The following VWA5B2 variants were observed in gnomAD, a reference collection of about 807,000 sequenced individuals.
The protein encoded by VWA5B2 is von Willebrand factor A domain containing 5B2.
A neutral mutation model predicts 118.5 loss-of-function variants in VWA5B2; 93 were observed. That is an observed-to-expected ratio of 0.79 (90% CI 0.66 to 0.93). The LOEUF is 0.93. VWA5B2 is among the 40% of genes least tolerant of loss of function. The pLI is 0.00. For missense variants in VWA5B2, 1,546 were observed against 1,672.8 expected (o/e 0.92, Z 1.32); for synonymous variants, 708 against 716.3 (o/e 0.99, Z 0.19).
At chr3:184,240,963 C>T (rs558959383) in intron 17 of VWA5B2, 35 bp downstream of exon 17, 7 of 1,551,508 alleles carry the variant, frequency 4.5e-6, no homozygotes, top group East Asian at 4.9e-5. Context: ...TCAGGTGCAG[C>T]TCTCACCTCA....
At position 184,236,178 on chromosome 3, in the gene VWA5B2, C is replaced by T. The variant is rs1189103181; in HGVS notation, c.1128C>T (p.Ser376=). Residue 376 remains serine, a synonymous_variant, in exon 9 of 20, where the codon TCC becomes TCT. Coordinates refer to ENST00000691901, the MANE Select transcript of VWA5B2 (RefSeq NM_001390846.1). The part of the protein sequence containing the change: ...HKDAIVLAVK[S]LPPQTLINLA... The stretch of plus-strand genomic sequence containing the variant: ...ATGCCATTGTTTTGGCTGTGAAGTC[C>T]CTCCCGCCCCAGACGCTTATCAACC... 2.6e-6 allele frequency: 4 copies of T among 1,551,550 alleles called. No individual in the cohort carries two copies. Among genetic ancestry groups the T allele is most frequent in the Non-Finnish European group, 3.5e-6 (4 of 1,146,996 alleles).
rs894634721 is a variant in VWA5B2, at chr3:184,241,754, G to C, written c.3445G>C (p.Glu1149Gln). Reference sequence around the variant, plus strand: ...GGACAGTGGGCGGGGCTCAGACACCGAGGCCTCCGAGGGGGCGGAAGGGCT... The same window carrying C: ...GGACAGTGGGCGGGGCTCAGACACCCAGGCCTCCGAGGGGGCGGAAGGGCT... ...QVDSGRGSDT[E>Q]ASEGAEGLGG... Residue 1149 changes from glutamate (E) to glutamine (Q), a missense_variant, in exon 20 of 20, where the codon GAG becomes CAG. Coordinates refer to ENST00000691901, the MANE Select transcript of VWA5B2 (RefSeq NM_001390846.1). The surrounding 1 kb of genome is among the most constrained non-coding windows in gnomAD (Gnocchi z 5.1). 2.2e-5 allele frequency: 32 copies of C among 1,481,424 alleles called. No homozygotes were observed. The Admixed American group carries it at 6.0e-4, about 28-fold the overall frequency. 91.8% of individuals were successfully genotyped at this position (1,481,424 alleles called of 1,614,324 possible).
chr3:184,232,954 T>C, intron 3 of VWA5B2: 1 of 568,646 alleles, frequency 1.8e-6, no homozygotes, highest in East Asian at 3.2e-5. Flanking sequence ...AGGATGTCAC[T>C]GCTGCTCTTG....
At chr3:184,234,525 T>C (rs1213597590) in intron 6 of VWA5B2, 106 bp from the exon 7 acceptor site, 44 of 1,522,718 alleles carry the variant, frequency 2.9e-5, no homozygotes, top group Non-Finnish European at 8.8e-7. Context: ...GCAGAGCCTG[T>C]GGTGCAGGAA....
At chr3:184,230,232 G>C (rs1342892954) in intron 1 of VWA5B2, among the ~76,000 whole-genome samples, 148 bp from the exon 2 acceptor site, 1 of 152,004 alleles carries the variant, frequency 6.6e-6, no homozygotes, top group Middle Eastern at 3.4e-3. Context: ...CCCCACCCCC[G>C]GGGGAGCCGC....
Position 184,241,399 on chromosome 3 carries a change from C to G in VWA5B2, c.3175C>G (p.Pro1059Ala), listed in dbSNP as rs963385192. 6.3e-7 allele frequency: 1 copy of G among 1,580,480 alleles called. No individual in the cohort carries two copies. The highest frequency in any genetic ancestry group is 1.3e-5 in the African/African-American group (1 of 74,218). ...NSEGSDHDYL[P>A]LVRLQEAPGS... ...TGAAGGCAGCGACCATGACTACCTG[C>G]CCTTGGTGAGGACTCGGGAGGTGGA... The change falls in exon 19 of 20, where the codon CCC becomes GCC. Residue 1059 changes from proline (P) to alanine (A), a missense_variant. Pro to Ala is a conservative substitution (Grantham distance 27, BLOSUM62 -1). Transcript: ENST00000691901. This position sits in a 1 kb window ranked among gnomAD's most constrained non-coding sequence, Gnocchi z 5.1.
At position 184,241,153 on chromosome 3, in the gene VWA5B2, G is replaced by A; in HGVS notation, c.2963-34G>A. 2 of 1,551,442 alleles carry A rather than the reference G, an allele frequency of 1.3e-6. No individual in the cohort carries two copies. The highest frequency in any genetic ancestry group is 2.0e-5 in the Admixed American group (1 of 50,988). On this transcript the variant is annotated intron_variant, in intron 18 of 19. Transcript: ENST00000691901. The surrounding 1 kb of genome is among the most constrained non-coding windows in gnomAD (Gnocchi z 5.1). ...AAGGGTAGGGGCACTTGGGCTTAGA[G>A]ACCGCCCCCTGGCACTGATGATCCC...
intron 8 of VWA5B2, among the ~76,000 whole-genome samples, chr3:184,235,851 C>T (rs1429000627): frequency 1.3e-5 from 2 of 151,920 alleles, no homozygotes; most frequent in Non-Finnish European, 2.9e-5. Context: ...CAGAGTCCCA[C>T]ACACAGTCAT....
chr3:184,234,261 C>T lies in VWA5B2; in HGVS notation c.689-5C>T, dbSNP rs151245237. 1,118 of 1,551,544 alleles carry T rather than the reference C, an allele frequency of 7.2e-4. 6 individuals are homozygous for T. The African/African-American group carries it at 0.014, about 19-fold the overall frequency. ...ATCTCCCCTTCCTGCCTCTATGTCC[C>T]TCAGGCCTGGAGAGCCCCTCTCATG... On this transcript the variant is annotated splice_polypyrimidine_tract_variant and splice_region_variant and intron_variant, in intron 5 of 19. Transcript: ENST00000691901.
rs1275110307 is a variant in VWA5B2 at position 184,241,706 on chromosome 3, G to A, written c.3397G>A (p.Gly1133Ser). The A allele has an allele frequency of 6.6e-7, 1 of 1,508,814 alleles. No individual in the cohort carries two copies. Among genetic ancestry groups the A allele is most frequent in the South Asian group, 1.2e-5 (1 of 80,334 alleles). 93.5% of individuals were successfully genotyped at this position (1,508,814 alleles called of 1,614,324 possible). A position where few individuals can be genotyped will look rare whatever the true frequency, so the allele number is the denominator to read the frequency against. ...TASCSPSPSS[G>S]SEGPGQVDSG... ...CTCCTGCAGCCCGTCCCCCAGCTCG[G>A]GCTCTGAGGGGCCAGGCCAGGTGGA... Residue 1133 changes from glycine to serine, a missense_variant, in exon 20 of 20, where the codon GGC becomes AGC. Coordinates refer to ENST00000691901, the MANE Select transcript of VWA5B2 (RefSeq NM_001390846.1). This position sits in a 1 kb window ranked among gnomAD's most constrained non-coding sequence, Gnocchi z 5.1.
In VWA5B2 at chr3:184,241,724, C is replaced by T. The variant is rs1451159516; in HGVS notation, c.3415C>T (p.Gln1139Ter). The T allele has an allele frequency of 1.3e-6, 2 of 1,497,530 alleles. No individual in the cohort carries two copies. Among genetic ancestry groups the T allele is most frequent in the East Asian group, 5.0e-5 (2 of 40,396 alleles). The allele number at this position is 1,497,530 out of a possible 1,614,324, so 92.8% of individuals were successfully genotyped here. Residue 1139 changes from glutamine (Q) to a stop codon, truncating the protein, a stop_gained, in exon 20 of 20, where the codon CAG becomes TAG. Transcript: ENST00000691901. LOFTEE classifies it high-confidence loss of function. The surrounding 1 kb of genome is among the most constrained non-coding windows in gnomAD (Gnocchi z 5.1). Reference sequence around the variant, plus strand: ...CAGCTCGGGCTCTGAGGGGCCAGGCCAGGTGGACAGTGGGCGGGGCTCAGA... The same window carrying T: ...CAGCTCGGGCTCTGAGGGGCCAGGCTAGGTGGACAGTGGGCGGGGCTCAGA... ...SPSSGSEGPGQVDSGRGSDTE... is the reference protein window; with the variant it reads ...SPSSGSEGPG
intron 6 of VWA5B2, 76 bp downstream of exon 6, chr3:184,234,473 G>A (rs1301302813): frequency 6.5e-7 from 1 of 1,541,300 alleles, no homozygotes; most frequent in Non-Finnish European, 8.8e-7. Flanking sequence ...CTTAAGTGCA[G>A]GTTTCTGGGC....
chr3:184,240,862 T>G lies in VWA5B2; in HGVS notation c.2812T>G (p.Cys938Gly). The G allele has an allele frequency of 6.4e-7, 1 of 1,551,682 alleles. No individual in the cohort carries two copies. Among genetic ancestry groups the G allele is most frequent in the Non-Finnish European group, 8.7e-7 (1 of 1,146,964 alleles). ...CAGCTCTGCCCCCTCCTGCTTCACTTGCCCTGTAGCTGTGGATGCTACTAC... is the reference window on the plus strand; with the variant it reads ...CAGCTCTGCCCCCTCCTGCTTCACTGGCCCTGTAGCTGTGGATGCTACTAC... The part of the protein sequence containing the change: ...KVSSAPSCFT[C>G]PVAVDATTRE... The change falls in exon 17 of 20, where the codon TGC (cysteine) becomes GGC (glycine). Residue 938 changes from cysteine (C) to glycine (G), a missense_variant. By Grantham distance (159) the Cys-to-Gly change is radical (BLOSUM62 -3). Transcript: ENST00000691901.
Position 184,233,858 on chromosome 3 carries a change from C to T in VWA5B2, c.688+125C>T, listed in dbSNP as rs1327441867. ...ACAAAAAGACAGGGACCCCAGCCTC[C>T]GGAACATCTGGGTTAGTGGTGGGAG... is the stretch of plus-strand genomic sequence containing the variant. On this transcript the variant is annotated intron_variant, in intron 5 of 19. Transcript: ENST00000691901. This position sits in a 1 kb window ranked among gnomAD's most constrained non-coding sequence, Gnocchi z 5.2. 2.3e-5 allele frequency: 31 copies of T among 1,336,340 alleles called. No individual in the cohort carries two copies. The highest frequency in any genetic ancestry group is 5.0e-5 in the Admixed American group (2 of 40,274). 82.8% of individuals were successfully genotyped at this position (1,336,340 alleles called of 1,614,324 possible). A position where few individuals can be genotyped will look rare whatever the true frequency, so the allele number is the denominator to read the frequency against.
Position 184,230,784 on chromosome 3 carries a change from G to A in VWA5B2, c.177G>A (p.Val59=), listed in dbSNP as rs1717308403. ...FVYPLAEAEV[V]SGFEAEAAGR... is the part of the protein sequence containing the mutation. ...ACCCGCTGGCCGAGGCCGAGGTGGTGTCCGGCTTCGAGGCCGAGGCCGCCG... is the reference window on the plus strand; with the variant it reads ...ACCCGCTGGCCGAGGCCGAGGTGGTATCCGGCTTCGAGGCCGAGGCCGCCG... The change falls in exon 3 of 20, where the codon GTG becomes GTA. Residue 59 remains valine (V), a synonymous_variant. Coordinates refer to ENST00000691901, the MANE Select transcript of VWA5B2 (RefSeq NM_001390846.1). 8.1e-7 allele frequency: 1 copy of A among 1,241,808 alleles called. No homozygotes were observed. Among genetic ancestry groups the A allele is most frequent in the Admixed American group, 4.2e-5 (1 of 23,778 alleles). The allele number at this position is 1,241,808 out of a possible 1,614,324, so 76.9% of individuals were successfully genotyped here. A position where few individuals can be genotyped will look rare whatever the true frequency, so the allele number is the denominator to read the frequency against.
chr3:184,234,061 G>T (rs1717693508), intron 5 of VWA5B2, among the ~76,000 whole-genome samples: 1 of 152,166 alleles, frequency 6.6e-6, no homozygotes, highest in Non-Finnish European at 1.5e-5. Flanking sequence ...GCACCTGGCT[G>T]ATGCATGACT....
In VWA5B2 at chr3:184,233,079, C is replaced by T; in HGVS notation, c.311-99C>T. On this transcript the variant is annotated intron_variant, in intron 3 of 19. Coordinates refer to ENST00000691901, the MANE Select transcript of VWA5B2 (RefSeq NM_001390846.1). This position sits in a 1 kb window ranked among gnomAD's most constrained non-coding sequence, Gnocchi z 5.2. ...CCTAGTGCCAACACGCAAAGTCCCC[C>T]TTGCCCAGGCTCCCTGACCCAATGC... 8.8e-7 allele frequency: 1 copy of T among 1,130,080 alleles called. No individual in the cohort carries two copies. The highest frequency in any genetic ancestry group is 1.3e-6 in the Non-Finnish European group (1 of 792,950). The allele number at this position is 1,130,080 out of a possible 1,614,324, so 70.0% of individuals were successfully genotyped here. A position where few individuals can be genotyped will look rare whatever the true frequency, so the allele number is the denominator to read the frequency against.
Position 184,236,382 on chromosome 3 carries a change from C to A in VWA5B2, c.1252C>A (p.Gln418Lys), listed in dbSNP as rs1231594908. ...QLICESIETL[Q>K]VPSGPPDVLA... ...GATCTGCGAGAGCATTGAGACCCTG[C>A]AGGTTCCGAGTGGGCCCCCAGACGT... is the stretch of plus-strand genomic sequence containing the variant. Residue 418 changes from glutamine (Q) to lysine (K), a missense_variant, in exon 10 of 20, where the codon CAG becomes AAG. Physicochemically the swap from Gln to Lys is moderately conservative, Grantham distance 53. Coordinates refer to ENST00000691901, the MANE Select transcript of VWA5B2 (RefSeq NM_001390846.1). 6 of 1,546,520 alleles carry A rather than the reference C, an allele frequency of 3.9e-6. No homozygotes were observed. The highest frequency in any genetic ancestry group is 5.2e-6 in the Non-Finnish European group (6 of 1,143,870).
At chr3:184,240,994 A>C (rs1718544965) in intron 17 of VWA5B2, 30 bp from the exon 18 acceptor site, 1 of 1,551,284 alleles carries the variant, frequency 6.4e-7, no homozygotes, top group Non-Finnish European at 8.7e-7. Context: ...TCCTGGACAA[A>C]CCTGACTCCT....
Sources: allele counts gnomAD v4.1 joint callset (sites outside exome capture counted in the v4.1 genomes callset), GRCh38; gene constraint gnomAD v4.1.1; non-coding constraint Gnocchi (gnomAD v3.1); transcripts MANE v1.5; gene names NCBI Gene and HGNC (gene_info 2026-07-23, HGNC 2026-07-21).